ZNF516: variants seen among roughly 807,000 people sequenced by gnomAD.
ZNF516 encodes the protein zinc finger protein 516.
In ZNF516, 19 loss-of-function variants were observed where a neutral mutation model predicts 79.7. The ratio of observed to expected loss-of-function variants is 0.24; its 90% CI spans 0.17 to 0.35. The LOEUF (loss-of-function observed/expected upper bound fraction) is 0.35, where lower values mean the gene tolerates loss of function less well. Among genes scored for constraint, ZNF516 ranks in the 10% least tolerant of loss-of-function variants. ZNF516 has a pLI of 1.00. For missense variants in ZNF516, 1,678 were observed against 1,679.5 expected, an observed-to-expected ratio of 1.00 and a Z score of 0.02; for synonymous variants, 877 against 739.5, an observed-to-expected ratio of 1.19 and a Z score of -3.02.
chr18:76,467,379 G>T lies in ZNF516; in HGVS notation c.-271-4238C>A, dbSNP rs141198084. 3.3e-5 allele frequency among the ~76,000 whole-genome samples: 5 copies of T among 151,772 alleles called. No individual in the cohort carries two copies. In the East Asian group the frequency reaches 5.9e-4, roughly 18 times the overall value. ...GGAACCTGCAGCTCACAGCCCCTCT[G>T]GGCTGGCAGGAAGTCCTGCGTGTCT... On this transcript the variant is annotated intron_variant, in intron 1 of 6. Coordinates refer to ENST00000443185, the MANE Select transcript of ZNF516 (RefSeq NM_014643.4). This position sits in a 1 kb window ranked among gnomAD's most constrained non-coding sequence, Gnocchi z 4.2.
intron 1 of ZNF516, among the ~76,000 whole-genome samples, chr18:76,469,571 A>G (rs1442869750): frequency 6.6e-6 from 1 of 152,190 alleles, no homozygotes; most frequent in Non-Finnish European, 1.5e-5. Flanking sequence ...GAGGAGACTC[A>G]CTTTTTAGAT....
intron 1 of ZNF516, among the ~76,000 whole-genome samples, chr18:76,464,179 T>A (rs917701935): frequency 3.3e-5 from 5 of 151,660 alleles, no homozygotes; most frequent in South Asian, 2.1e-4. Context: ...CAAAAAAAAA[T>A]TTTAGTACTT....
intron 2 of ZNF516, among the ~76,000 whole-genome samples, chr18:76,448,070 TCATAA>T (rs1296675810): frequency 2.0e-5 from 3 of 152,208 alleles, no homozygotes; most frequent in Admixed American, 6.5e-5. Context: ...AACTGTTTAC[TCATAA>T]CATAAAAATA....
At chr18:76,458,031 C>T (rs1912836403) in intron 2 of ZNF516, among the ~76,000 whole-genome samples, 1 of 152,202 alleles carries the variant, frequency 6.6e-6, no homozygotes, top group African/African-American at 2.4e-5. Flanking sequence ...GATACGTTTG[C>T]CTCACACATC....
Position 76,448,254 on chromosome 18 carries a change from C to T in ZNF516, c.-157-5043G>A, listed in dbSNP as rs532040626. Among the ~76,000 whole-genome samples the T allele has an allele frequency of 3.9e-3, 589 of 152,168 alleles. 2 individuals carry two copies. The highest frequency in any genetic ancestry group is 7.2e-3 in the Non-Finnish European group (487 of 67,990). On this transcript the variant is annotated intron_variant, in intron 2 of 6. Transcript: ENST00000443185. ...TTTTCTTTTTCTTTTCCTTGTCTTT[C>T]TTTTTTTGCCTATATCATACAATTG... is the stretch of plus-strand genomic sequence containing the variant.
At chr18:76,485,663 C>A (rs1339277980) in intron 1 of ZNF516, among the ~76,000 whole-genome samples, 1 of 152,102 alleles carries the variant, frequency 6.6e-6, no homozygotes, top group Non-Finnish European at 1.5e-5. Flanking sequence ...GGGTTCCATA[C>A]TAATAAATTC....
intron 3 of ZNF516, among the ~76,000 whole-genome samples, chr18:76,398,246 G>A (rs561223426): frequency 9.2e-5 from 14 of 152,166 alleles, no homozygotes; most frequent in South Asian, 6.2e-4. Context: ...ACCTTCCTTC[G>A]TCCCCAGATC....
chr18:76,375,546 G>A (rs1472058054), intron 4 of ZNF516, among the ~76,000 whole-genome samples: 2 of 151,742 alleles, frequency 1.3e-5, no homozygotes, highest in African/African-American at 4.8e-5. Flanking sequence ...ATCAGGTAGA[G>A]GATGGACACA....
chr18:76,414,489 C>T (rs1048875730), intron 3 of ZNF516, among the ~76,000 whole-genome samples: 1 of 152,200 alleles, frequency 6.6e-6, no homozygotes, highest in Admixed American at 6.5e-5. Flanking sequence ...TGAATGTACA[C>T]AGTTTTCGTG....
intron 1 of ZNF516, among the ~76,000 whole-genome samples, chr18:76,494,588 C>T (rs961152778): frequency 6.6e-6 from 1 of 152,048 alleles, no homozygotes; most frequent in Admixed American, 6.5e-5. Flanking sequence ...CCCACCTCCA[C>T]GCAAACACGT....
chr18:76,402,780 T>C (rs1418189969), intron 3 of ZNF516, among the ~76,000 whole-genome samples: 1 of 152,266 alleles, frequency 6.6e-6, no homozygotes, highest in African/African-American at 2.4e-5. Flanking sequence ...TGCGCTTCTA[T>C]CAGCTTGAGC....
intron 4 of ZNF516, among the ~76,000 whole-genome samples, chr18:76,373,359 GAA>G (rs148833800): frequency 0.025 from 3,821 of 151,812 alleles, 162 homozygotes; most frequent in African/African-American, 0.088. Context: ...AGGAAAGAAA[GAA>G]AAGAGATTTT....
At chr18:76,433,397 C>CA (rs1161497880) in intron 3 of ZNF516, among the ~76,000 whole-genome samples, 10 of 152,282 alleles carry the variant, frequency 6.6e-5, no homozygotes, top group Admixed American at 4.6e-4. Flanking sequence ...AATGAGATGG[C>CA]AATTTGAGGA....
chr18:76,391,069 C>T lies in ZNF516; in HGVS notation c.1811-10766G>A, dbSNP rs993043946. Reference sequence around the variant, plus strand: ...GGAAGGAACCCAGGCACAGCAGGTACGGAAGGTGGGGACACCAGGGGTCCA... The same window carrying T: ...GGAAGGAACCCAGGCACAGCAGGTATGGAAGGTGGGGACACCAGGGGTCCA... On this transcript the variant is annotated intron_variant, in intron 3 of 6. Coordinates refer to ENST00000443185, the MANE Select transcript of ZNF516 (RefSeq NM_014643.4). Among the ~76,000 whole-genome samples the T allele has an allele frequency of 7.2e-5, 11 of 152,030 alleles. 1 individual carries two copies. The highest frequency in any genetic ancestry group is 2.2e-4 in the African/African-American group (9 of 41,378).
intron 3 of ZNF516, among the ~76,000 whole-genome samples, chr18:76,423,574 C>T (rs1204464066): frequency 2.2e-5 from 3 of 138,658 alleles, no homozygotes; most frequent in African/African-American, 5.4e-5. Context: ...AAGGCTCCCC[C>T]GAAACACACA....
chr18:76,378,263 G>A (rs542673247), intron 4 of ZNF516: 1 of 152,370 alleles, frequency 6.6e-6, no homozygotes, highest in Admixed American at 6.5e-5. Context: ...GAGAAGGGAA[G>A]ATAACCTTTT....
chr18:76,365,726 C>T (rs954342112), intron 6 of ZNF516, among the ~76,000 whole-genome samples: 14 of 152,192 alleles, frequency 9.2e-5, no homozygotes, highest in African/African-American at 3.4e-4. Flanking sequence ...GCACCGGTGC[C>T]ACCGCCGGGC....
chr18:76,388,648 A>G (rs1469055618), intron 3 of ZNF516: 1 of 152,288 alleles, frequency 6.6e-6, no homozygotes, highest in African/African-American at 2.4e-5. Flanking sequence ...CCAAAGCAGC[A>G]CAGAGACTCA....
chr18:76,407,910 G>A (rs552562033), intron 3 of ZNF516, among the ~76,000 whole-genome samples: 1 of 152,220 alleles, frequency 6.6e-6, no homozygotes, highest in Non-Finnish European at 1.5e-5. Context: ...CTTCCCTGAT[G>A]TGTCTGAGGG....
Sources: allele counts gnomAD v4.1 joint callset (sites outside exome capture counted in the v4.1 genomes callset), GRCh38; gene constraint gnomAD v4.1.1; non-coding constraint Gnocchi (gnomAD v3.1); transcripts MANE v1.5; gene names NCBI Gene and HGNC (gene_info 2026-07-23, HGNC 2026-07-21).